The following MICU1 variants were observed in gnomAD, a reference collection of about 807,000 sequenced individuals.
MICU1 encodes the protein mitochondrial calcium uptake 1, also known as calcium uptake protein 1, mitochondrial.
MICU1 carries 45 observed loss-of-function variants against 56.8 expected under a neutral mutation model. The ratio of observed to expected loss-of-function variants is 0.79; its 90% CI spans 0.62 to 1.02. MICU1 has a LOEUF of 1.02. Ranked by LOEUF, MICU1 falls within the 50% of genes least tolerant of loss-of-function variation. MICU1 has a pLI of 0.00. For synonymous variants in MICU1, 186 were observed against 195.1 expected (o/e 0.95, Z 0.39); for missense variants, 504 against 587.1 (o/e 0.86, Z 1.46).
chr10:72,511,308 C>A (rs1489190452), intron 5 of MICU1, among the ~76,000 whole-genome samples: 1 of 152,140 alleles, frequency 6.6e-6, no homozygotes, highest in Admixed American at 6.5e-5. Context: ...CCAAAATACA[C>A]ACTGAACACC....
chr10:72,589,089 A>G (rs1331783162), intron 1 of MICU1, among the ~76,000 whole-genome samples: 1 of 152,122 alleles, frequency 6.6e-6, no homozygotes, highest in Non-Finnish European at 1.5e-5. Context: ...GGAGTTTGAG[A>G]CCACCCTGGC....
intron 9 of MICU1, among the ~76,000 whole-genome samples, chr10:72,416,909 G>T (rs1291336135): frequency 6.6e-6 from 1 of 152,118 alleles, no homozygotes; most frequent in East Asian, 1.9e-4. Flanking sequence ...ATAAGGCACT[G>T]CTCTCAAGAA....
intron 5 of MICU1, among the ~76,000 whole-genome samples, chr10:72,519,012 T>G (rs1250977428): frequency 6.6e-6 from 1 of 152,256 alleles, no homozygotes; most frequent in African/African-American, 2.4e-5. Flanking sequence ...AGATTGTAAT[T>G]GCAGATACCT....
chr10:72,606,411 A>T (rs1841692610), intron 1 of MICU1, among the ~76,000 whole-genome samples: 1 of 151,510 alleles, frequency 6.6e-6, no homozygotes. Flanking sequence ...CTACTCGGGA[A>T]CTGAGGCAGG....
Position 72,492,492 on chromosome 10 carries a change from G to T in MICU1, c.653-15236C>A, listed in dbSNP as rs1866690859. ...TTAAAATGCATATGGGCTGGGCGTGGTGGCTCCTGCCTGTAATCCCAGCAC... is the reference window on the plus strand; with the variant it reads ...TTAAAATGCATATGGGCTGGGCGTGTTGGCTCCTGCCTGTAATCCCAGCAC... On this transcript the variant is annotated intron_variant, in intron 6 of 11. Coordinates refer to ENST00000361114, the MANE Select transcript of MICU1 (RefSeq NM_001195518.2). Among the ~76,000 whole-genome samples the T allele has an allele frequency of 2.0e-5, 3 of 152,298 alleles. No individual in the cohort carries two copies. In the South Asian group the frequency reaches 6.2e-4, roughly 32 times the overall value.
intron 5 of MICU1, among the ~76,000 whole-genome samples, chr10:72,516,906 T>A (rs992045614): frequency 6.6e-6 from 1 of 152,152 alleles, no homozygotes; most frequent in South Asian, 2.1e-4. Flanking sequence ...AAGTTACTTG[T>A]ATGTTTTCAG....
chr10:72,445,575 C>T (rs543035900), intron 8 of MICU1, among the ~76,000 whole-genome samples: 26 of 152,248 alleles, frequency 1.7e-4, no homozygotes, highest in African/African-American at 5.3e-4. Flanking sequence ...TTTTGCAGCA[C>T]GACATATTCC....
chr10:72,521,829 CTTGAAG>C (rs1171958725), intron 5 of MICU1, among the ~76,000 whole-genome samples: 6 of 151,836 alleles, frequency 4.0e-5, no homozygotes, highest in Admixed American at 2.0e-4. Context: ...ACTAAGTTAA[CTTGAAG>C]TTGAAGAGGA....
intron 9 of MICU1, among the ~76,000 whole-genome samples, chr10:72,412,671 G>C (rs1049840346): frequency 3.3e-5 from 5 of 151,078 alleles, no homozygotes; most frequent in African/African-American, 1.2e-4. Context: ...GCCAAACATG[G>C]TGAAACCCCG....
At position 72,566,806 on chromosome 10, in the gene MICU1, A is replaced by T. The variant is rs1840451535; in HGVS notation, c.-1-12T>A. ...TCAGACGAAACATCCTGTGGACAAT[A>T]AGTAGAAATGTCACTCTTAGCTAGT... On this transcript the variant is annotated splice_polypyrimidine_tract_variant and intron_variant, in intron 1 of 11. Coordinates refer to ENST00000361114, the MANE Select transcript of MICU1 (RefSeq NM_001195518.2). The T allele has an allele frequency of 6.2e-7, 1 of 1,602,094 alleles. No homozygotes were observed.
At chr10:72,512,896 G>A (rs1161138014) in intron 5 of MICU1, among the ~76,000 whole-genome samples, 1 of 151,994 alleles carries the variant, frequency 6.6e-6, no homozygotes, top group Non-Finnish European at 1.5e-5. Flanking sequence ...GTAGAGATGG[G>A]GTTTTGCCAT....
At chr10:72,606,357 CA>C (rs1260521657) in intron 1 of MICU1, among the ~76,000 whole-genome samples, 1 of 151,342 alleles carries the variant, frequency 6.6e-6, no homozygotes, top group African/African-American at 2.4e-5. Flanking sequence ...ACTGAAAATA[CA>C]AAAAAATTAG....
intron 1 of MICU1, among the ~76,000 whole-genome samples, chr10:72,599,970 T>C (rs1022941546): frequency 4.6e-5 from 7 of 152,190 alleles, no homozygotes; most frequent in Non-Finnish European, 8.8e-5. Flanking sequence ...AAAATGAATC[T>C]TCTCCCTCTG....
intron 8 of MICU1, among the ~76,000 whole-genome samples, chr10:72,442,069 T>C (rs777149978): frequency 6.6e-6 from 1 of 152,202 alleles, no homozygotes; most frequent in Non-Finnish European, 1.5e-5. Flanking sequence ...AAAGAGGGTA[T>C]CCATTTTCAG....
chr10:72,368,061 C>G lies in MICU1; in HGVS notation c.*134G>C, dbSNP rs745580557. 23 of 946,934 alleles carry G rather than the reference C, an allele frequency of 2.4e-5. No individual in the cohort carries two copies. The highest frequency in any genetic ancestry group is 3.4e-5 in the Non-Finnish European group (22 of 648,898). 58.7% of individuals were successfully genotyped at this position (946,934 alleles called of 1,614,324 possible). ...ACGGGGAAGGGTAAAGAGGGGAAAC[C>G]GACAGAGTCCTGAGGTCATCCCGGG... On this transcript the variant is annotated 3_prime_UTR_variant, in exon 12 of 12. Coordinates refer to ENST00000361114, the MANE Select transcript of MICU1 (RefSeq NM_001195518.2).
chr10:72,481,698 C>T (rs1325182822), intron 6 of MICU1, among the ~76,000 whole-genome samples: 2 of 152,210 alleles, frequency 1.3e-5, no homozygotes, highest in Non-Finnish European at 2.9e-5. Flanking sequence ...AGGCGTGAGC[C>T]ACAGCGCCCA....
chr10:72,455,064 A>C (rs1424451747), intron 8 of MICU1, among the ~76,000 whole-genome samples: 3 of 151,894 alleles, frequency 2.0e-5, no homozygotes, highest in African/African-American at 7.3e-5. Context: ...AAAAGATCGA[A>C]GTTCGGCCAG....
chr10:72,481,885 C>T (rs1866309995), intron 6 of MICU1, among the ~76,000 whole-genome samples: 1 of 152,208 alleles, frequency 6.6e-6, no homozygotes, highest in Non-Finnish European at 1.5e-5. Context: ...ACACCTTTCA[C>T]TTAGATTTCC....
rs1185313253 is a variant in MICU1 at position 72,504,648 on chromosome 10, G to A, written c.652+3507C>T. Reference sequence around the variant, plus strand: ...AAGTGAGACCTAATTAAACTAAAGAGTCTCTGCAAAGCAAAAGAAACCATC... The same window carrying A: ...AAGTGAGACCTAATTAAACTAAAGAATCTCTGCAAAGCAAAAGAAACCATC... On this transcript the variant is annotated intron_variant, in intron 6 of 11. Coordinates refer to ENST00000361114, the MANE Select transcript of MICU1 (RefSeq NM_001195518.2). Among the ~76,000 whole-genome samples the A allele has an allele frequency of 2.6e-5, 4 of 152,212 alleles. No homozygotes were observed. In the East Asian group the frequency reaches 7.7e-4, roughly 29 times the overall value.
Sources: allele counts gnomAD v4.1 joint callset (sites outside exome capture counted in the v4.1 genomes callset), GRCh38; gene constraint gnomAD v4.1.1; transcripts MANE v1.5; gene names NCBI Gene and HGNC (gene_info 2026-07-23, HGNC 2026-07-21).